Variants in ABCG2 observed in about 807,000 individuals in gnomAD.
The protein encoded by ABCG2 is broad substrate specificity ATP-binding cassette transporter ABCG2.
In ABCG2, 80 loss-of-function variants were observed where a neutral mutation model predicts 73.5. That is an observed-to-expected ratio of 1.09 (90% CI 0.91 to 1.31). The LOEUF (loss-of-function observed/expected upper bound fraction) is 1.31, where lower values mean the gene tolerates loss of function less well. Among genes scored for constraint, ABCG2 ranks in the 50% most tolerant of loss-of-function variants. The pLI is 0.00. For missense variants in ABCG2, 796 were observed against 786.2 expected, an observed-to-expected ratio of 1.01 and a Z score of -0.15; for synonymous variants, 269 against 282.4, an observed-to-expected ratio of 0.95 and a Z score of 0.48.
At chr4:88,141,554 G>A (rs893637148) in intron 1 of ABCG2, among the ~76,000 whole-genome samples, 12 of 152,160 alleles carry the variant, frequency 7.9e-5, no homozygotes, top group African/African-American at 2.9e-4. Flanking sequence ...CTCTGGGAAT[G>A]TGGACAAACC....
In ABCG2 at chr4:88,091,473, G is replaced by C. The variant is rs1721641648; in HGVS notation, c.*761C>G. 1.3e-5 allele frequency: 2 copies of C among 152,058 alleles called. No individual in the cohort carries two copies. The highest frequency in any genetic ancestry group is 2.9e-5 in the Non-Finnish European group (2 of 68,000). 9.4% of individuals were successfully genotyped at this position (152,058 alleles called of 1,614,324 possible). A position where few individuals can be genotyped will look rare whatever the true frequency, so the allele number is the denominator to read the frequency against. On this transcript the variant is annotated 3_prime_UTR_variant, in exon 16 of 16. Coordinates refer to ENST00000237612, the MANE Select transcript of ABCG2 (RefSeq NM_004827.3). ...ACTTAGGCCAGATTTTTGTATTTTA[G>C]CAAAGTTCCTCAGATGATTCTGACG... is the stretch of plus-strand genomic sequence containing the variant.
At chr4:88,173,757 G>A (rs1279575846) in intron 1 of ABCG2, among the ~76,000 whole-genome samples, 1 of 152,104 alleles carries the variant, frequency 6.6e-6, no homozygotes, top group Non-Finnish European at 1.5e-5. Flanking sequence ...CCAACACTTT[G>A]GGAGGCTGAG....
chr4:88,140,141 A>AGC, intron 1 of ABCG2, 127 bp from the exon 2 acceptor site: 2 of 767,126 alleles, frequency 2.6e-6, no homozygotes, highest in South Asian at 1.9e-5. Flanking sequence ...TTTCCAATGA[A>AGC]TGGCCCATAC....
intron 1 of ABCG2, among the ~76,000 whole-genome samples, chr4:88,172,124 G>A (rs536008466): frequency 1.3e-5 from 2 of 151,944 alleles, no homozygotes; most frequent in South Asian, 4.2e-4. Flanking sequence ...GTGAAACTCC[G>A]TGTCTACTAA....
At position 88,111,867 on chromosome 4, in the gene ABCG2, G is replaced by A. The variant is rs528486521; in HGVS notation, c.1194+1436C>T. On this transcript the variant is annotated intron_variant, in intron 9 of 15. Transcript: ENST00000237612. Reference sequence around the variant, plus strand: ...GCACTTTGGGAGGCCAAGGCAGGAGGATCGCTTGAGCCCAGGAGATCCAGA... The same window carrying A: ...GCACTTTGGGAGGCCAAGGCAGGAGAATCGCTTGAGCCCAGGAGATCCAGA... Among the ~76,000 whole-genome samples the A allele has an allele frequency of 1.9e-3, 286 of 152,224 alleles. 2 individuals are homozygous for A. Among genetic ancestry groups the A allele is most frequent in the African/African-American group, 6.6e-3 (272 of 41,524 alleles).
intron 1 of ABCG2, among the ~76,000 whole-genome samples, chr4:88,225,485 G>A (rs1024891374): frequency 6.6e-6 from 1 of 152,170 alleles, no homozygotes; most frequent in Non-Finnish European, 1.5e-5. Context: ...AGATCACAGA[G>A]CCTTGGAGAC....
intron 1 of ABCG2, among the ~76,000 whole-genome samples, chr4:88,194,846 G>T (rs1728876960): frequency 6.6e-6 from 1 of 152,110 alleles, no homozygotes; most frequent in Admixed American, 6.6e-5. Flanking sequence ...GACAGGGCAG[G>T]AGTTAATGGG....
chr4:88,158,913 G>A (rs995542881), upstream of ABCG2: 2 of 345,412 alleles, frequency 5.8e-6, no homozygotes, highest in Admixed American at 8.1e-5. Context: ...TGAACGCAGT[G>A]GCCCCTCCCC....
chr4:88,157,826 C>T (rs1174573827), intron 1 of ABCG2, among the ~76,000 whole-genome samples: 1 of 152,200 alleles, frequency 6.6e-6, no homozygotes, highest in Admixed American at 6.5e-5. Flanking sequence ...GTAAGATCCT[C>T]CTAAAAACCA....
intron 1 of ABCG2, among the ~76,000 whole-genome samples, chr4:88,177,426 G>T (rs184570824): frequency 6.6e-5 from 10 of 151,972 alleles, no homozygotes; most frequent in African/African-American, 2.4e-4. Flanking sequence ...TGGAAATTAT[G>T]ATTATATTGT....
At chr4:88,146,393 C>CT (rs370249033) in intron 1 of ABCG2, among the ~76,000 whole-genome samples, 170 of 147,306 alleles carry the variant, frequency 1.2e-3, no homozygotes, top group African/African-American at 3.3e-3. Context: ...ATGACTGAGG[C>CT]TTTTTTTTTT....
intron 1 of ABCG2, among the ~76,000 whole-genome samples, chr4:88,212,084 CCTCT>C (rs1396363006): frequency 6.6e-6 from 1 of 152,154 alleles, no homozygotes; most frequent in Non-Finnish European, 1.5e-5. Context: ...GTGGCCTCTT[CCTCT>C]CTCAAAAGTA....
At chr4:88,131,512 TA>T (rs1724874292) in intron 4 of ABCG2, among the ~76,000 whole-genome samples, 1 of 152,096 alleles carries the variant, frequency 6.6e-6, no homozygotes, top group Non-Finnish European at 1.5e-5. Context: ...CTTTCTAAGC[TA>T]GGGGAAAAGA....
rs1560672284 is a variant in ABCG2 at position 88,113,568 on chromosome 4, G to A, written c.944-15C>T. On this transcript the variant is annotated splice_polypyrimidine_tract_variant and intron_variant, in intron 8 of 15. Coordinates refer to ENST00000237612, the MANE Select transcript of ABCG2 (RefSeq NM_004827.3). Reference sequence around the variant, plus strand: ...GATCTCTGTGGCTTTGCAATCAGTGGATAAAAAGGAAACACAAACAAGATA... The same window carrying A: ...GATCTCTGTGGCTTTGCAATCAGTGAATAAAAAGGAAACACAAACAAGATA... The A allele has an allele frequency of 6.2e-7, 1 of 1,602,806 alleles. No individual in the cohort carries two copies. The highest frequency in any genetic ancestry group is 1.3e-5 in the African/African-American group (1 of 74,382).
chr4:88,099,439 G>A lies in ABCG2; in HGVS notation c.1377C>T (p.Tyr459=). 1 of 1,604,792 alleles carries A rather than the reference G, an allele frequency of 6.2e-7. No homozygotes were observed. The highest frequency in any genetic ancestry group is 8.5e-7 in the Non-Finnish European group (1 of 1,176,956). The change falls in exon 12 of 16, where the codon TAC becomes TAT. Residue 459 remains tyrosine (Y), a synonymous_variant. Coordinates refer to ENST00000237612, the MANE Select transcript of ABCG2 (RefSeq NM_004827.3). ...ATGACACTCTGTAGTATCCGCTGAT[G>A]TATTCATGTCTATAGAACAAAAATA... is the stretch of plus-strand genomic sequence containing the variant. ...VVEKKLFIHE[Y]ISGYYRVSSY...
At position 88,108,359 on chromosome 4, in the gene ABCG2, T is replaced by TAA. The variant is rs5860115; in HGVS notation, c.1195-1095_1195-1094dup. On this transcript the variant is annotated intron_variant, in intron 9 of 15. Transcript: ENST00000237612. ...CAACATGGTGAGACTCCGTCTCTACTAAAAAAAAACACACACAAAAAAATT... is the reference window on the plus strand; with the variant it reads ...CAACATGGTGAGACTCCGTCTCTACTAAAAAAAAAAACACACACAAAAAAATT... Among the ~76,000 whole-genome samples, 279 of 149,316 alleles carry TAA rather than the reference T, an allele frequency of 1.9e-3. 2 individuals are homozygous for TAA. Among genetic ancestry groups the TAA allele is most frequent in the East Asian group, 7.0e-3 (35 of 5,030 alleles).
At chr4:88,169,070 A>G (rs1026502645) in intron 1 of ABCG2, among the ~76,000 whole-genome samples, 1 of 149,076 alleles carries the variant, frequency 6.7e-6, no homozygotes, top group Non-Finnish European at 1.5e-5. Context: ...TTTTGAGACA[A>G]GGTCTCACTC....
intron 5 of ABCG2, among the ~76,000 whole-genome samples, chr4:88,122,177 G>C (rs188566523): frequency 6.6e-6 from 1 of 152,256 alleles, no homozygotes; most frequent in African/African-American, 2.4e-5. Context: ...CGCAGACCAG[G>C]AGATTCCCGC....
chr4:88,228,518 T>C (rs1006128948), intron 1 of ABCG2, among the ~76,000 whole-genome samples: 8 of 152,220 alleles, frequency 5.3e-5, no homozygotes, highest in Non-Finnish European at 1.0e-4. Context: ...TTCTGATCAG[T>C]CAGTGCTTAT....
Sources: gnomAD v4.1 joint callset for allele counts (sites outside exome capture counted in the v4.1 genomes callset) on GRCh38, gnomAD v4.1.1 for gene constraint, MANE v1.5 for transcripts, NCBI Gene and HGNC (gene_info 2026-07-23, HGNC 2026-07-21) for gene names.